The following EBF1 variants were observed in gnomAD, a reference collection of about 807,000 sequenced individuals.
The protein encoded by EBF1 is transcription factor COE1.
A neutral mutation model predicts 68.4 loss-of-function variants in EBF1; 10 were observed. The ratio of observed to expected loss-of-function variants is 0.15; its 90% CI spans 0.09 to 0.25. The LOEUF (loss-of-function observed/expected upper bound fraction) is 0.25, where lower values mean the gene tolerates loss of function less well. EBF1 is among the 10% of genes least tolerant of loss of function. EBF1 has a pLI of 1.00. For missense variants in EBF1, 509 were observed against 794.4 expected (o/e 0.64, Z 4.32); for synonymous variants, 298 against 299.8 (o/e 0.99, Z 0.06).
intron 6 of EBF1, among the ~76,000 whole-genome samples, chr5:158,916,017 T>C (rs1256178433): frequency 1.3e-5 from 2 of 152,174 alleles, no homozygotes; most frequent in Admixed American, 6.5e-5. Flanking sequence ...TCAACACCTG[T>C]AGCTCCTGAC....
At chr5:158,709,294 CA>C (rs1285368756) in intron 14 of EBF1, among the ~76,000 whole-genome samples, 8 of 151,756 alleles carry the variant, frequency 5.3e-5, no homozygotes, top group Admixed American at 1.3e-4. Context: ...TTGTCATGGG[CA>C]ATGCAACCTT....
chr5:159,091,890 T>C (rs1007935146), intron 4 of EBF1, among the ~76,000 whole-genome samples: 2 of 152,232 alleles, frequency 1.3e-5, no homozygotes, highest in Non-Finnish European at 2.9e-5. Context: ...GTGACTACGA[T>C]TTCCTGCTTC....
At chr5:158,969,926 A>AG in intron 6 of EBF1, among the ~76,000 whole-genome samples, 1 of 149,784 alleles carries the variant, frequency 6.7e-6, no homozygotes, top group Non-Finnish European at 1.5e-5. Context: ...GAAAAAAAAA[A>AG]AAAAGGCTGC....
intron 2 of EBF1, 119 bp downstream of exon 2, chr5:159,096,855 C>T (rs962590735): frequency 2.3e-6 from 3 of 1,319,246 alleles, no homozygotes; most frequent in Non-Finnish European, 3.1e-6. Context: ...TTGGGGGACC[C>T]CCACATAGAA....
chr5:158,709,244 T>C (rs1045860226), intron 14 of EBF1, among the ~76,000 whole-genome samples: 1 of 152,256 alleles, frequency 6.6e-6, no homozygotes, highest in African/African-American at 2.4e-5. Flanking sequence ...ACATCAGATA[T>C]TGTTTTATCA....
intron 10 of EBF1, among the ~76,000 whole-genome samples, chr5:158,747,048 A>G (rs1394563295): frequency 6.6e-6 from 1 of 152,192 alleles, no homozygotes; most frequent in Non-Finnish European, 1.5e-5. Context: ...GGTCAGGTAG[A>G]GAGGGGCAAA....
At chr5:158,735,763 C>T (rs1765049405) in intron 10 of EBF1, among the ~76,000 whole-genome samples, 1 of 152,166 alleles carries the variant, frequency 6.6e-6, no homozygotes, top group African/African-American at 2.4e-5. Context: ...TTATAGAGGG[C>T]TTTAGGTTCC....
intron 10 of EBF1, among the ~76,000 whole-genome samples, chr5:158,740,034 G>A (rs976847943): frequency 2.0e-5 from 3 of 152,068 alleles, no homozygotes; most frequent in Admixed American, 1.3e-4. Flanking sequence ...TTTATCTGAC[G>A]AGCTGATCCC....
chr5:158,874,856 G>A (rs1797518378), intron 6 of EBF1, among the ~76,000 whole-genome samples: 1 of 152,142 alleles, frequency 6.6e-6, no homozygotes, highest in African/African-American at 2.4e-5. Context: ...AGGCCTCAGA[G>A]TGTTTGGGAT....
chr5:159,058,087 C>T (rs1775103505), intron 6 of EBF1, among the ~76,000 whole-genome samples: 1 of 152,170 alleles, frequency 6.6e-6, no homozygotes. Flanking sequence ...AAGCATCAGC[C>T]AGAATTGGGT....
chr5:158,730,832 C>T (rs955999033), intron 11 of EBF1, among the ~76,000 whole-genome samples: 22 of 152,256 alleles, frequency 1.4e-4, no homozygotes, highest in African/African-American at 4.8e-4. Context: ...GGTAATAATA[C>T]CAACATCAGA....
At chr5:158,699,225 A>G in intron 15 of EBF1, 83 bp from the exon 16 acceptor site, 2 of 1,444,868 alleles carry the variant, frequency 1.4e-6, no homozygotes, top group East Asian at 2.3e-5. Flanking sequence ...AAAAAAAAAA[A>G]AACACCCACA....
intron 8 of EBF1, 59 bp from the exon 9 acceptor site, chr5:158,796,534 G>A (rs1378735832): frequency 6.7e-7 from 1 of 1,499,840 alleles, no homozygotes; most frequent in Non-Finnish European, 8.9e-7. Flanking sequence ...AAACTTTAAT[G>A]ATGAAGACTT....
At chr5:158,723,571 C>T (rs950922913) in intron 11 of EBF1, among the ~76,000 whole-genome samples, 6 of 151,996 alleles carry the variant, frequency 3.9e-5, no homozygotes, top group Non-Finnish European at 7.4e-5. Flanking sequence ...ATGTGTATTG[C>T]GTGCCTTGAG....
At chr5:158,789,324 A>G (rs1481222415) in intron 9 of EBF1, among the ~76,000 whole-genome samples, 1 of 152,180 alleles carries the variant, frequency 6.6e-6, no homozygotes, top group Admixed American at 6.5e-5. Context: ...AACTATTTAC[A>G]TTGTATTACA....
chr5:158,770,475 A>T (rs1398851136), intron 10 of EBF1, among the ~76,000 whole-genome samples: 3 of 152,116 alleles, frequency 2.0e-5, no homozygotes, highest in Non-Finnish European at 2.9e-5. Flanking sequence ...CAGACACTTC[A>T]AAACTGTCCA....
At chr5:159,063,379 G>A (rs552582096) in intron 6 of EBF1, among the ~76,000 whole-genome samples, 266 of 152,292 alleles carry the variant, frequency 1.7e-3, no homozygotes, top group Non-Finnish European at 3.3e-3. Flanking sequence ...CTGGGTATGA[G>A]CTAAAAGGTG....
Position 158,715,076 on chromosome 5 carries a change from C to T in EBF1, c.1126-894G>A, listed in dbSNP as rs1760341947. Among the ~76,000 whole-genome samples, 3 of 152,138 alleles carry T rather than the reference C, an allele frequency of 2.0e-5. No homozygotes were observed. In the South Asian group the frequency reaches 6.2e-4, roughly 31 times the overall value. ...ATTTTTCCCTAATTTTCTTCAGATT[C>T]ATTTCCACTAGAATGTGAAAAGAAA... On this transcript the variant is annotated intron_variant, in intron 11 of 15. Coordinates refer to ENST00000313708, the MANE Select transcript of EBF1 (RefSeq NM_024007.5).
chr5:159,072,197 G>T (rs888774372), intron 6 of EBF1, among the ~76,000 whole-genome samples: 1 of 152,152 alleles, frequency 6.6e-6, no homozygotes. Flanking sequence ...GAATACTAGT[G>T]AGGAATATTT....
Sources: gnomAD v4.1 joint callset for allele counts (sites outside exome capture counted in the v4.1 genomes callset) on GRCh38, gnomAD v4.1.1 for gene constraint, MANE v1.5 for transcripts, NCBI Gene and HGNC (gene_info 2026-07-23, HGNC 2026-07-21) for gene names.